ESRRB: variants seen among roughly 807,000 people sequenced by gnomAD.
The protein encoded by ESRRB is steroid hormone receptor ERR2.
ESRRB carries 16 observed loss-of-function variants against 46.0 expected under a neutral mutation model. The ratio of observed to expected loss-of-function variants is 0.35; its 90% confidence interval spans 0.24 to 0.53. The LOEUF is 0.53. Among genes scored for constraint, ESRRB ranks in the 20% least tolerant of loss-of-function variants. The probability of loss-of-function intolerance (pLI) is 0.93; values close to 1 mark genes in which losing one functional copy is unlikely to be tolerated. For synonymous variants in ESRRB, 246 were observed against 259.6 expected (o/e 0.95, Z 0.50); for missense variants, 488 against 607.4 (o/e 0.80, Z 2.07).
intron 1 of ESRRB, among the ~76,000 whole-genome samples, chr14:76,330,391 T>G (rs1372822534): frequency 6.6e-6 from 1 of 152,196 alleles, no homozygotes; most frequent in East Asian, 1.9e-4. Flanking sequence ...ATCCCTGCAC[T>G]GTTGTTGGCA....
At chr14:76,449,627 G>A (rs746577955) in intron 2 of ESRRB, among the ~76,000 whole-genome samples, 1 of 151,952 alleles carries the variant, frequency 6.6e-6, no homozygotes, top group Non-Finnish European at 1.5e-5. Flanking sequence ...CATTGATTGC[G>A]GTCTTCTTAG....
At chr14:76,354,813 G>A (rs1045647633) in intron 1 of ESRRB, among the ~76,000 whole-genome samples, 2 of 150,664 alleles carry the variant, frequency 1.3e-5, no homozygotes, top group African/African-American at 4.9e-5. Flanking sequence ...GGGTTCAAGA[G>A]ATTCTCCTGC....
intron 3 of ESRRB, among the ~76,000 whole-genome samples, chr14:76,470,904 G>C (rs1889353504): frequency 6.6e-6 from 1 of 152,122 alleles, no homozygotes. Context: ...TATTGCCCAG[G>C]CTGGTCTCGA....
At chr14:76,372,206 C>T (rs1884642448), upstream of ESRRB, among the ~76,000 whole-genome samples, 1 of 152,106 alleles carries the variant, frequency 6.6e-6, no homozygotes, top group African/African-American at 2.4e-5. Context: ...CTGTGTTTGT[C>T]TAGATCTCTG....
rs1308938551 is a variant in ESRRB at position 76,491,435 on chromosome 14, C to G, written c.851-12C>G. 4.4e-6 allele frequency: 7 copies of G among 1,607,690 alleles called. No individual in the cohort carries two copies. Among genetic ancestry groups the G allele is most frequent in the Non-Finnish European group, 5.9e-6 (7 of 1,178,064 alleles). Reference sequence around the variant, plus strand: ...GACCTGCTGCTGCCCTCTGTGCCCCCTCTTCCTGCAGGCTTCTCAAGCCTC... The same window carrying G: ...GACCTGCTGCTGCCCTCTGTGCCCCGTCTTCCTGCAGGCTTCTCAAGCCTC... On this transcript the variant is annotated splice_polypyrimidine_tract_variant and intron_variant, in intron 5 of 6. Transcript: ENST00000644823.
intron 3 of ESRRB, among the ~76,000 whole-genome samples, chr14:76,470,240 G>T (rs376691712): frequency 2.0e-5 from 3 of 152,154 alleles, no homozygotes; most frequent in Non-Finnish European, 2.9e-5. Context: ...ATGAGCTACT[G>T]CTCCAGGCCA....
chr14:76,490,952 G>T (rs1321057989), intron 5 of ESRRB, among the ~76,000 whole-genome samples: 1 of 152,098 alleles, frequency 6.6e-6, no homozygotes, highest in East Asian at 1.9e-4. Context: ...GGTCAGGCCC[G>T]TGGGTCTCTG....
intron 1 of ESRRB, among the ~76,000 whole-genome samples, chr14:76,358,323 AAAAGAAAG>A (rs869092343): frequency 0.029 from 1,521 of 52,786 alleles, 58 homozygotes; most frequent in Admixed American, 0.035. Context: ...AAAAAAAAAA[AAAAGAAAG>A]AAAGAAAGAA....
chr14:76,392,383 T>G (rs1208871738), intron 1 of ESRRB, among the ~76,000 whole-genome samples: 1 of 152,204 alleles, frequency 6.6e-6, no homozygotes, highest in Non-Finnish European at 1.5e-5. Context: ...AGCTGCTGTT[T>G]TAGCATTTGA....
chr14:76,386,001 T>G (rs1595068014), intron 1 of ESRRB, among the ~76,000 whole-genome samples: 1 of 152,342 alleles, frequency 6.6e-6, no homozygotes, highest in East Asian at 1.9e-4. Flanking sequence ...TGTTATTAAT[T>G]TTTTGATGTT....
intron 1 of ESRRB, among the ~76,000 whole-genome samples, chr14:76,334,543 C>T (rs1055640615): frequency 3.3e-5 from 5 of 152,294 alleles, no homozygotes; most frequent in South Asian, 2.1e-4. Context: ...TCCAGGGCCT[C>T]GCCTGCGACA....
At chr14:76,389,704 C>G (rs1197948958) in intron 1 of ESRRB, among the ~76,000 whole-genome samples, 2 of 152,172 alleles carry the variant, frequency 1.3e-5, no homozygotes, top group Non-Finnish European at 2.9e-5. Flanking sequence ...CAAACCAGCT[C>G]AGGAGAGCTC....
chr14:76,386,773 C>G (rs974648472), intron 1 of ESRRB, among the ~76,000 whole-genome samples: 1 of 152,086 alleles, frequency 6.6e-6, no homozygotes, highest in African/African-American at 2.4e-5. Context: ...CTGGCCGTGC[C>G]CTTAGATATG....
At chr14:76,354,232 C>CCA (rs1257913493) in intron 1 of ESRRB, among the ~76,000 whole-genome samples, 4 of 103,912 alleles carry the variant, frequency 3.8e-5, no homozygotes, top group Non-Finnish European at 5.8e-5. Flanking sequence ...CCGCCCCCCC[C>CCA]CCCACCCACA....
chr14:76,332,836 TA>T (rs1884049851), intron 1 of ESRRB, among the ~76,000 whole-genome samples: 26 of 22,048 alleles, frequency 1.2e-3, no homozygotes, highest in African/African-American at 3.3e-3. Context: ...ATTTATATAT[TA>T]TATATTTATA....
intron 1 of ESRRB, among the ~76,000 whole-genome samples, chr14:76,326,757 C>G (rs2139732281): frequency 6.6e-6 from 1 of 152,338 alleles, no homozygotes; most frequent in East Asian, 1.9e-4. Flanking sequence ...ATTTCAGGAC[C>G]CAGTTGCACC....
intron 2 of ESRRB, among the ~76,000 whole-genome samples, chr14:76,460,887 G>A (rs1888828229): frequency 6.6e-6 from 1 of 151,774 alleles, no homozygotes; most frequent in African/African-American, 2.4e-5. Context: ...TGTATTTTTA[G>A]TAGAGACAGG....
chr14:76,498,493 C>A lies in ESRRB; in HGVS notation c.*35C>A, dbSNP rs776125685. 1.9e-5 allele frequency: 30 copies of A among 1,612,746 alleles called. No homozygotes were observed. Among genetic ancestry groups the A allele is most frequent in the Non-Finnish European group, 2.5e-5 (29 of 1,179,986 alleles). On this transcript the variant is annotated 3_prime_UTR_variant, in exon 7 of 7. Coordinates refer to ENST00000644823, the MANE Select transcript of ESRRB (RefSeq NM_001379180.1). ...ACACGGACCAATGCCCACCTACAGA[C>A]AGACAAACGGACAGACCGAGGTGGA...
At position 76,469,940 on chromosome 14, in the gene ESRRB, TTTTC is replaced by T. The variant is rs1566603850; in HGVS notation, c.577+7283_577+7286del. 5.0e-4 allele frequency among the ~76,000 whole-genome samples: 60 copies of T among 121,048 alleles called. 4 individuals carry two copies. The highest frequency in any genetic ancestry group is 1.2e-3 in the East Asian group (5 of 4,312). The allele number at this position is 121,048 out of a possible 152,430, so 79.4% of individuals were successfully genotyped here. A position where few individuals can be genotyped will look rare whatever the true frequency, so the allele number is the denominator to read the frequency against. Reference sequence around the variant, plus strand: ...CTGTGTTTTTTGTTGTTTTTTTTTTTTTTCTTTTTTTTTTTTTTTTTTTTTGAGA... The same window carrying T: ...CTGTGTTTTTTGTTGTTTTTTTTTTTTTTTTTTTTTTTTTTTTTTTTGAGA... On this transcript the variant is annotated intron_variant, in intron 3 of 6. Transcript: ENST00000644823.
Sources: allele counts gnomAD v4.1 joint callset (sites outside exome capture counted in the v4.1 genomes callset), GRCh38; gene constraint gnomAD v4.1.1; transcripts MANE v1.5; gene names NCBI Gene and HGNC (gene_info 2026-07-23, HGNC 2026-07-21).